The following AVEN variants were observed in gnomAD, a reference collection of about 807,000 sequenced individuals.
The protein encoded by AVEN is apoptosis and caspase activation inhibitor, also known as cell death regulator Aven.
Under a neutral mutation model 38.1 loss-of-function variants are expected in AVEN, and 41 were observed. The observed-to-expected ratio is 1.08, with a 90% confidence interval of 0.84 to 1.40. The LOEUF (loss-of-function observed/expected upper bound fraction) is 1.40. Ranked by LOEUF, AVEN falls within the 40% of genes most tolerant of loss-of-function variation. The probability of loss-of-function intolerance (pLI) is 0.00; values close to 1 mark genes in which losing one functional copy is unlikely to be tolerated. For missense variants in AVEN, 605 were observed against 438.8 expected (o/e 1.38, Z -3.38); for synonymous variants, 206 against 171.8 (o/e 1.20, Z -1.56).
At position 33,870,958 on chromosome 15, in the gene AVEN, T is replaced by C. The variant is rs776286550; in HGVS notation, c.589A>G (p.Asn197Asp). Residue 197 changes from asparagine (N) to aspartate (D), a missense_variant, in exon 4 of 6, where the codon AAC (asparagine) becomes GAC (aspartate). Asn to Asp is a conservative substitution (Grantham distance 23). Transcript: ENST00000306730. ...ACCTGGACCAGTTCGGCAGCAACGTTGAGTCGGAGGCAGAGAGGCAGCTCT... is the reference window on the plus strand; with the variant it reads ...ACCTGGACCAGTTCGGCAGCAACGTCGAGTCGGAGGCAGAGAGGCAGCTCT... ...LQELPLCLRLNVAAELVQGTV... is the reference protein window; with the variant it reads ...LQELPLCLRLDVAAELVQGTV... 2.3e-5 allele frequency: 37 copies of C among 1,611,274 alleles called. No homozygotes were observed. Among genetic ancestry groups the C allele is most frequent in the Admixed American group, 1.5e-4 (9 of 59,886 alleles).
intron 1 of AVEN, among the ~76,000 whole-genome samples, chr15:34,031,791 TCCTAG>T (rs1898849369): frequency 6.6e-6 from 1 of 152,112 alleles, no homozygotes; most frequent in Admixed American, 6.6e-5. Context: ...AACAACAGCA[TCCTAG>T]CAGCATCAAG....
At chr15:33,880,751 G>C (rs1410135964) in intron 2 of AVEN, among the ~76,000 whole-genome samples, 2 of 151,754 alleles carry the variant, frequency 1.3e-5, no homozygotes, top group African/African-American at 2.4e-5. Context: ...AAAGAGAAAA[G>C]AAAAAAGAAA....
At chr15:33,859,462 C>G (rs1172110739) in intron 11 of AVEN, 2 of 1,165,396 alleles carry the variant, frequency 1.7e-6, no homozygotes, top group African/African-American at 1.5e-5. Context: ...AAGAGTTCCC[C>G]TCTCGTGGCT....
chr15:33,852,966 A>C, the AVEN span: 1 of 1,213,526 alleles, frequency 8.2e-7, no homozygotes, highest in Admixed American at 2.0e-5. Flanking sequence ...AGATCCAGGC[A>C]CTCAAACTGA....
chr15:33,971,637 T>C lies in AVEN; in HGVS notation c.445+31395A>G, dbSNP rs1895642293. 2.0e-5 allele frequency among the ~76,000 whole-genome samples: 3 copies of C among 152,064 alleles called. No homozygotes were observed. The South Asian group carries it at 6.2e-4, about 31-fold the overall frequency. ...TGTTAGCATTCAACTTAAAGGGACA[T>C]TGCATAATATTTTTAAATGCATTAA... On this transcript the variant is annotated intron_variant, in intron 2 of 5. Transcript: ENST00000306730.
intron 2 of AVEN, among the ~76,000 whole-genome samples, chr15:33,890,918 G>C (rs780903013): frequency 6.6e-5 from 10 of 152,084 alleles, no homozygotes; most frequent in Non-Finnish European, 1.3e-4. Flanking sequence ...GGCCAGCCTG[G>C]GCAACATAGT....
chr15:33,948,677 GTTTA>G (rs1006869442), intron 2 of AVEN, among the ~76,000 whole-genome samples: 1 of 151,860 alleles, frequency 6.6e-6, no homozygotes, highest in Non-Finnish European at 1.5e-5. Flanking sequence ...GAAGGTGTTT[GTTTA>G]TTTGTTTTTA....
intron 2 of AVEN, among the ~76,000 whole-genome samples, chr15:33,911,148 C>T (rs962772707): frequency 6.6e-6 from 1 of 152,136 alleles, no homozygotes; most frequent in African/African-American, 2.4e-5. Context: ...CCAACTCCAG[C>T]ACCACCACCT....
In AVEN at chr15:33,867,597, T is replaced by G. The variant is rs750167381; in HGVS notation, c.871A>C (p.Asn291His). The G allele has an allele frequency of 3.5e-5, 57 of 1,614,096 alleles. No individual in the cohort carries two copies. The East Asian group carries it at 1.2e-3, about 35-fold the overall frequency. ...CCCTCTTTTATAGGTGCATCTAAAT[T>G]AAGCAACAGATCTAGTTCTTCTTCC... is the stretch of plus-strand genomic sequence containing the variant. Reference protein sequence around the residue: ...HLEEELDLLLNLDAPIKEGDN... With the variant: ...HLEEELDLLLHLDAPIKEGDN... The change falls in exon 5 of 6, where the codon AAT becomes CAT. Residue 291 changes from asparagine (N) to histidine (H), a missense_variant. Transcript: ENST00000306730.
intron 1 of AVEN, among the ~76,000 whole-genome samples, chr15:34,021,432 C>T (rs1433799212): frequency 6.6e-6 from 1 of 151,902 alleles, no homozygotes; most frequent in Admixed American, 6.6e-5. Flanking sequence ...ATTTCAGGCA[C>T]ACACCACCAT....
rs1900418423 is a variant in AVEN, at chr15:34,063,487, C to G, written n.1127-55G>C. The G allele has an allele frequency of 2.5e-6, 4 of 1,613,752 alleles. No individual in the cohort carries two copies. Among genetic ancestry groups the G allele is most frequent in the Non-Finnish European group, 3.4e-6 (4 of 1,180,038 alleles). ...CTGTTCAGATCCTGCTTGCGCTGTC[C>G]TCGACCCACCCTGGCCCAGCGGGAA... On this transcript the variant is annotated intron_variant and non_coding_transcript_variant, in intron 4 of 11. Coordinates refer to the AVEN transcript ENST00000675287. This position sits in a 1 kb window ranked among gnomAD's most constrained non-coding sequence, Gnocchi z 4.1.
chr15:33,871,121 T>G lies in AVEN; in HGVS notation c.517-91A>C. ...AGAAACTGTAAATAATCCACTGGAG[T>G]TACATTTGGCTAGGAATAAGTCACA... On this transcript the variant is annotated intron_variant, in intron 3 of 5. Transcript: ENST00000306730. 4.8e-6 allele frequency: 4 copies of G among 827,768 alleles called. No homozygotes were observed. The East Asian group carries it at 1.0e-4, about 22-fold the overall frequency. The allele number at this position is 827,768 out of a possible 1,614,324, so 51.3% of individuals were successfully genotyped here.
intron 2 of AVEN, among the ~76,000 whole-genome samples, chr15:33,965,460 T>C (rs1895348958): frequency 6.6e-6 from 1 of 152,184 alleles, no homozygotes; most frequent in Non-Finnish European, 1.5e-5. Context: ...AGACTTTTTT[T>C]CTTTATAAAA....
chr15:34,055,008 C>G (rs1209478671), intron 5 of AVEN, among the ~76,000 whole-genome samples: 1 of 152,060 alleles, frequency 6.6e-6, no homozygotes, highest in Non-Finnish European at 1.5e-5. Flanking sequence ...GCCTGACCAA[C>G]ATGGAGAAAC....
At chr15:33,950,294 C>T (rs1894688705) in intron 2 of AVEN, among the ~76,000 whole-genome samples, 1 of 152,166 alleles carries the variant, frequency 6.6e-6, no homozygotes, top group African/African-American at 2.4e-5. Flanking sequence ...AGCATAGTGA[C>T]TATAATTAAT....
chr15:33,980,809 A>G (rs683915), intron 2 of AVEN, among the ~76,000 whole-genome samples: 123,260 of 152,158 alleles, frequency 0.81, 54,675 homozygotes, highest in Non-Finnish European at 0.98. Flanking sequence ...TATGCAAAAC[A>G]TTATCAACAA....
intron 2 of AVEN, among the ~76,000 whole-genome samples, chr15:33,960,839 T>A (rs1895134028): frequency 6.6e-6 from 1 of 152,218 alleles, no homozygotes; most frequent in Admixed American, 6.5e-5. Flanking sequence ...TTAGTCATGC[T>A]CATATATCCA....
At chr15:33,967,628 A>G (rs1244875722) in intron 2 of AVEN, among the ~76,000 whole-genome samples, 2 of 151,968 alleles carry the variant, frequency 1.3e-5, no homozygotes, top group Non-Finnish European at 2.9e-5. Flanking sequence ...TAAAAACATT[A>G]TATTGTCTAG....
At chr15:33,985,953 A>T (rs1896429405) in intron 2 of AVEN, among the ~76,000 whole-genome samples, 1 of 152,302 alleles carries the variant, frequency 6.6e-6, no homozygotes, top group South Asian at 2.1e-4. Flanking sequence ...CAGGTGCCTG[A>T]TATCTCTCTG....
Sources: gnomAD v4.1 joint callset for allele counts (sites outside exome capture counted in the v4.1 genomes callset) on GRCh38, gnomAD v4.1.1 for gene constraint, Gnocchi (gnomAD v3.1) non-coding constraint, MANE v1.5 for transcripts, NCBI Gene and HGNC (gene_info 2026-07-23, HGNC 2026-07-21) for gene names.